Variants in PXDN observed in about 807,000 individuals in gnomAD.
The protein encoded by PXDN is peroxidasin homolog.
PXDN carries 77 observed loss-of-function variants against 140.3 expected under a neutral mutation model. The observed-to-expected ratio is 0.55, with a 90% CI of 0.46 to 0.66. The LOEUF (loss-of-function observed/expected upper bound fraction) is 0.66, where lower values mean the gene tolerates loss of function less well. PXDN is among the 30% of genes least tolerant of loss of function. The pLI, the probability that PXDN is intolerant of heterozygous loss-of-function variation, is 0.00. For missense variants in PXDN, 1,838 were observed against 2,039.5 expected (o/e 0.90, Z 1.90); for synonymous variants, 911 against 857.4 (o/e 1.06, Z -1.09).
intron 14 of PXDN, among the ~76,000 whole-genome samples, chr2:1,657,981 C>A (rs989077937): frequency 7.6e-6 from 1 of 132,164 alleles, no homozygotes; most frequent in African/African-American, 2.9e-5. Context: ...ACTGTGATTT[C>A]CTTTCTCCTT....
At chr2:1,676,316 C>G (rs143909683) in intron 8 of PXDN, 1 of 153,568 alleles carries the variant, frequency 6.5e-6, no homozygotes, top group African/African-American at 2.4e-5. Flanking sequence ...TAATGGTCAG[C>G]GGTAGGACTT....
chr2:1,720,720 T>TCACACA (rs1239770052), intron 1 of PXDN, among the ~76,000 whole-genome samples: 1 of 25,382 alleles, frequency 3.9e-5, no homozygotes, highest in African/African-American at 7.5e-5. Context: ...TCTCTCTCTC[T>TCACACA]CTCTCACACA....
Position 1,635,956 on chromosome 2 carries a change from G to A in PXDN, c.4207-435C>T, listed in dbSNP as rs758360522. ...CCATAACAAGGTGACCTTTCCAACC[G>A]CTGTGCCATGCACAGGGGTAGCAGA... On this transcript the variant is annotated intron_variant, in intron 21 of 22. Transcript: ENST00000252804. The A allele has an allele frequency of 1.2e-4, 40 of 323,544 alleles. 1 individual carries two copies. Among genetic ancestry groups the A allele is most frequent in the Non-Finnish European group, 2.1e-4 (36 of 168,982 alleles). The allele number at this position is 323,544 out of a possible 1,614,324, so 20.0% of individuals were successfully genotyped here. A position where few individuals can be genotyped will look rare whatever the true frequency, so the allele number is the denominator to read the frequency against.
chr2:1,657,616 T>C (rs1388804639), intron 14 of PXDN, among the ~76,000 whole-genome samples: 1 of 150,974 alleles, frequency 6.6e-6, no homozygotes, highest in Non-Finnish European at 1.5e-5. Flanking sequence ...AACAGGGACC[T>C]GCCCCCTACT....
chr2:1,723,220 A>T (rs1247464737), intron 1 of PXDN, among the ~76,000 whole-genome samples: 1 of 151,896 alleles, frequency 6.6e-6, no homozygotes, highest in Admixed American at 6.5e-5. Context: ...AATGGAAGAA[A>T]GAATAGATGG....
intron 9 of PXDN, chr2:1,672,371 T>G (rs1484684690): frequency 1.3e-5 from 2 of 152,260 alleles, no homozygotes; most frequent in Non-Finnish European, 2.9e-5. Context: ...TCATTACTCA[T>G]AATCCATAGT....
intron 4 of PXDN, among the ~76,000 whole-genome samples, chr2:1,686,823 T>C (rs966362010): frequency 8.5e-5 from 13 of 152,180 alleles, no homozygotes; most frequent in African/African-American, 3.1e-4. Flanking sequence ...ACAACATCGC[T>C]GTGTCCAGTG....
At position 1,687,076 on chromosome 2, in the gene PXDN, A is replaced by T. The variant is rs1253478174; in HGVS notation, c.416+556T>A. ...TGACTTCACAGCAAAGTACGACTTC[A>T]CGTTGGCCAAAGAAACTAAGAGCGT... On this transcript the variant is annotated intron_variant, in intron 4 of 22. Transcript: ENST00000252804. The surrounding 1 kb of genome is among the most constrained non-coding windows in gnomAD (Gnocchi z 4.0). 6.6e-6 allele frequency among the ~76,000 whole-genome samples: 1 copy of T among 152,258 alleles called. No homozygotes were observed. Among genetic ancestry groups the T allele is most frequent in the East Asian group, 1.9e-4 (1 of 5,200 alleles).
chr2:1,670,626 T>C (rs539305078), intron 9 of PXDN, among the ~76,000 whole-genome samples: 3 of 152,276 alleles, frequency 2.0e-5, no homozygotes, highest in East Asian at 1.9e-4. Context: ...CTGGAAACCA[T>C]GAAGCTACTC....
intron 1 of PXDN, among the ~76,000 whole-genome samples, chr2:1,707,300 T>G (rs1684640013): frequency 7.6e-5 from 1 of 13,110 alleles, no homozygotes; most frequent in African/African-American, 6.6e-4. Context: ...GAGAGCACGC[T>G]TCAGTGTTCA....
At chr2:1,727,804 A>G (rs1004601646) in intron 1 of PXDN, among the ~76,000 whole-genome samples, 2 of 152,236 alleles carry the variant, frequency 1.3e-5, no homozygotes, top group Admixed American at 1.3e-4. Context: ...TAATAGTATA[A>G]TTAAATATAA....
intron 21 of PXDN, among the ~76,000 whole-genome samples, chr2:1,637,749 GGGA>G (rs1376599344): frequency 7.3e-6 from 1 of 137,834 alleles, no homozygotes; most frequent in Non-Finnish European, 1.6e-5. Context: ...AGGCTGTGGA[GGGA>G]GGAGGACCTG....
At position 1,714,510 on chromosome 2, in the gene PXDN, G is replaced by A. The variant is rs1684853027; in HGVS notation, c.201-21376C>T. 6.6e-6 allele frequency among the ~76,000 whole-genome samples: 1 copy of A among 151,360 alleles called. No homozygotes were observed. Among genetic ancestry groups the A allele is most frequent in the South Asian group, 2.1e-4 (1 of 4,812 alleles). ...GCAATGACCGCGGGTCCACGCTCAG[G>A]GAAATGCCCCTCCCACAGCAGGCCC... On this transcript the variant is annotated intron_variant, in intron 1 of 22. Coordinates refer to ENST00000252804, the MANE Select transcript of PXDN (RefSeq NM_012293.3). The surrounding 1 kb of genome is among the most constrained non-coding windows in gnomAD (Gnocchi z 4.3).
At chr2:1,744,641 G>T (rs2125501244), upstream of PXDN, 2 of 497,910 alleles carry the variant, frequency 4.0e-6, no homozygotes, top group Admixed American at 4.8e-5. Flanking sequence ...AGAACCCGGG[G>T]CCCCAGCGTC....
chr2:1,688,269 T>A (rs1684105144), intron 3 of PXDN, among the ~76,000 whole-genome samples: 1 of 152,138 alleles, frequency 6.6e-6, no homozygotes, highest in Admixed American at 6.5e-5. Context: ...AATAGGAGAA[T>A]CCTATTTCCT....
intron 3 of PXDN, among the ~76,000 whole-genome samples, chr2:1,688,728 T>G (rs1383420317): frequency 1.3e-5 from 2 of 151,920 alleles, no homozygotes; most frequent in Non-Finnish European, 2.9e-5. Flanking sequence ...TCCACGCTTT[T>G]CCTACTTTTC....
chr2:1,699,093 CA>C (rs1482343651), intron 1 of PXDN, among the ~76,000 whole-genome samples: 3 of 152,060 alleles, frequency 2.0e-5, no homozygotes, highest in Non-Finnish European at 4.4e-5. Context: ...CACTCAATAT[CA>C]AAATCACAAG....
chr2:1,650,933 T>A (rs1243703425), intron 16 of PXDN, among the ~76,000 whole-genome samples: 1 of 151,814 alleles, frequency 6.6e-6, no homozygotes, highest in African/African-American at 2.4e-5. Flanking sequence ...GGGAGCGGTG[T>A]CCATAACACC....
At chr2:1,727,329 C>A (rs1030018600) in intron 1 of PXDN, among the ~76,000 whole-genome samples, 1 of 152,204 alleles carries the variant, frequency 6.6e-6, no homozygotes, top group Non-Finnish European at 1.5e-5. Flanking sequence ...TTCAGTTTAT[C>A]GCACTTAAAT....
Sources: gnomAD v4.1 joint callset for allele counts (sites outside exome capture counted in the v4.1 genomes callset) on GRCh38, gnomAD v4.1.1 for gene constraint, Gnocchi (gnomAD v3.1) non-coding constraint, MANE v1.5 for transcripts, NCBI Gene and HGNC (gene_info 2026-07-23, HGNC 2026-07-21) for gene names.